The following LYST variants were observed in gnomAD, a reference collection of about 807,000 sequenced individuals.
LYST encodes lysosomal trafficking regulator.
In LYST, 192 loss-of-function variants were observed where a neutral mutation model predicts 413.6. That is an observed-to-expected ratio of 0.46 (90% CI 0.41 to 0.52). The LOEUF is 0.52. LYST is among the 20% of genes least tolerant of loss of function. LYST has a pLI of 0.00. For missense variants in LYST, 3,815 were observed against 4,499.9 expected, an observed-to-expected ratio of 0.85 and a Z score of 4.35; for synonymous variants, 1,525 against 1,567.3, an observed-to-expected ratio of 0.97 and a Z score of 0.64.
intron 15 of LYST, 58 bp from the exon 16 acceptor site, chr1:235,781,113 A>G (rs1392364887): frequency 3.9e-6 from 4 of 1,018,242 alleles, no homozygotes; most frequent in Non-Finnish European, 4.6e-6. Flanking sequence ...AATTTTTCAT[A>G]AAAAGCAAGA....
In LYST at chr1:235,662,883, G is replaced by T; in HGVS notation, c.*57C>A. On this transcript the variant is annotated 3_prime_UTR_variant, in exon 53 of 53. Transcript: ENST00000389793. ...GGTTCAACCTCCTAAAACTGGTGAA[G>T]TCAACAAATCTAGTTTGGAGTTAAA... The T allele has an allele frequency of 1.0e-6, 1 of 973,290 alleles. No homozygotes were observed. Among genetic ancestry groups the T allele is most frequent in the Non-Finnish European group, 1.7e-6 (1 of 594,534 alleles). 60.3% of individuals were successfully genotyped at this position (973,290 alleles called of 1,614,324 possible). A position where few individuals can be genotyped will look rare whatever the true frequency, so the allele number is the denominator to read the frequency against.
In LYST at chr1:235,720,776, AG is replaced by A; in HGVS notation, c.9444del (p.Leu3149Ter). 1 of 1,614,184 alleles carries A rather than the reference AG, an allele frequency of 6.2e-7. No homozygotes were observed. Among genetic ancestry groups the A allele is most frequent in the Non-Finnish European group, 8.5e-7 (1 of 1,180,020 alleles). ...AAGGATCGGCCAGCATGTTTGTTTA[AG>A]TGAGTCAAATATTCAAAATTAGTAA... ...GQITNFEYLT[H>X]LNKHAGRSFN... On this transcript the variant is annotated frameshift_variant, in exon 40 of 53. Coordinates refer to ENST00000389793, the MANE Select transcript of LYST (RefSeq NM_000081.4). LOFTEE classifies it high-confidence loss of function.
chr1:235,749,383 A>C (rs958260672), intron 28 of LYST, among the ~76,000 whole-genome samples: 3 of 152,202 alleles, frequency 2.0e-5, no homozygotes, highest in Non-Finnish European at 4.4e-5. Flanking sequence ...ACAAAGACAG[A>C]ATTTCAATAA....
intron 31 of LYST, chr1:235,738,626 C>T (rs1665042526): frequency 6.2e-7 from 1 of 1,608,228 alleles, no homozygotes; most frequent in Non-Finnish European, 8.5e-7. Context: ...TTACTGGTGT[C>T]TCCCTCAAGA....
chr1:235,738,208 T>C, intron 31 of LYST: 1 of 1,610,206 alleles, frequency 6.2e-7, no homozygotes, highest in Non-Finnish European at 8.5e-7. Context: ...CATGGCAGCC[T>C]TTTCCTTAGA....
intron 38 of LYST, among the ~76,000 whole-genome samples, chr1:235,724,757 T>C (rs981919329): frequency 6.6e-6 from 1 of 152,252 alleles, no homozygotes; most frequent in African/African-American, 2.4e-5. Flanking sequence ...AAATGTCATA[T>C]AGTTCGAATT....
At chr1:235,663,892 CATTTCTTT>C in intron 52 of LYST, 84 bp downstream of exon 52, 1 of 1,119,338 alleles carries the variant, frequency 8.9e-7, no homozygotes. Flanking sequence ...TTCAATTGCA[CATTTCTTT>C]AAGTCTGTGT....
intron 1 of LYST, among the ~76,000 whole-genome samples, chr1:235,846,002 A>G (rs1196374771): frequency 6.6e-6 from 1 of 152,056 alleles, no homozygotes; most frequent in African/African-American, 2.4e-5. Flanking sequence ...TGCTTTCTGG[A>G]AAGCGCCACC....
chr1:235,729,509 G>T, intron 37 of LYST, 87 bp downstream of exon 37: 1 of 881,770 alleles, frequency 1.1e-6, no homozygotes, highest in Non-Finnish European at 1.9e-6. Context: ...CCAATTTAAT[G>T]GCATGCTGTC....
intron 3 of LYST, among the ~76,000 whole-genome samples, chr1:235,825,061 C>T (rs1041930111): frequency 2.6e-5 from 4 of 151,864 alleles, no homozygotes; most frequent in Non-Finnish European, 4.4e-5. Flanking sequence ...ACAACAAAAA[C>T]GATCAAGATA....
At chr1:235,690,292 T>C (rs1303709328) in intron 47 of LYST, among the ~76,000 whole-genome samples, 1 of 152,324 alleles carries the variant, frequency 6.6e-6, no homozygotes, top group East Asian at 1.9e-4. Context: ...CATATTTGTC[T>C]GTTTTTCCCA....
chr1:235,794,917 C>T (rs1671398138), intron 10 of LYST, among the ~76,000 whole-genome samples: 1 of 151,832 alleles, frequency 6.6e-6, no homozygotes, highest in Admixed American at 6.6e-5. Context: ...CTTCTGTGTA[C>T]TACTGAAAAC....
In LYST at chr1:235,757,400, C is replaced by A. The variant is rs1399711987; in HGVS notation, c.6940G>T (p.Val2314Phe). The A allele has an allele frequency of 1.2e-6, 2 of 1,613,488 alleles. No homozygotes were observed. Among genetic ancestry groups the A allele is most frequent in the East Asian group, 2.2e-5 (1 of 44,818 alleles). Residue 2314 changes from valine (V) to phenylalanine (F), a missense_variant, in exon 24 of 53, where the codon GTT (valine) becomes TTT (phenylalanine). Around this residue, in one of 4 missense-constraint regions of LYST, gnomAD observed 771 missense variants for 837.1 expected, o/e 0.92. Coordinates refer to ENST00000389793, the MANE Select transcript of LYST (RefSeq NM_000081.4). ...CCGLYELLSG[V>F]LLILPDVLLE... ...AAAACATCAGGCAGGATAAGAAGAA[C>A]CCCACTTAGGAGTTCATATAATCCA...
intron 50 of LYST, among the ~76,000 whole-genome samples, chr1:235,670,200 G>A (rs56110928): frequency 0.29 from 43,790 of 152,018 alleles, 7,279 homozygotes; most frequent in Non-Finnish European, 0.38. Context: ...TTTACCATAT[G>A]TAGAAAAGTT....
intron 39 of LYST, among the ~76,000 whole-genome samples, chr1:235,722,138 T>C (rs1558151673): frequency 6.6e-6 from 1 of 152,150 alleles, no homozygotes; most frequent in East Asian, 1.9e-4. Flanking sequence ...GAGGCACTGG[T>C]GTGCCTGACA....
At chr1:235,813,471 CAG>C (rs1301863260) in intron 3 of LYST, among the ~76,000 whole-genome samples, 1 of 152,014 alleles carries the variant, frequency 6.6e-6, no homozygotes, top group Non-Finnish European at 1.5e-5. Context: ...ATGAAAAACT[CAG>C]AGACGATTTT....
chr1:235,670,042 C>T (rs1202885135), intron 50 of LYST, among the ~76,000 whole-genome samples: 2 of 152,190 alleles, frequency 1.3e-5, no homozygotes, highest in Non-Finnish European at 2.9e-5. Context: ...CTCCCTTGGT[C>T]TTTCTTGCTC....
Position 235,712,144 on chromosome 1 carries a change from G to T in LYST, c.9838C>A (p.Arg3280=). The part of the protein sequence containing the change: ...RTFHSTNTTW[R]LSSFESMTDV... The stretch of plus-strand genomic sequence containing the variant: ...GTCATAGATTCAAAAGATGAGAGTC[G>T]CCAAGTTGTATTTGTAGAATGAAAA... Residue 3280 remains arginine, a synonymous_variant, in exon 43 of 53, where the codon CGA becomes AGA. Coordinates refer to ENST00000389793, the MANE Select transcript of LYST (RefSeq NM_000081.4). 6.3e-7 allele frequency: 1 copy of T among 1,579,478 alleles called. No homozygotes were observed. The highest frequency in any genetic ancestry group is 8.6e-7 in the Non-Finnish European group (1 of 1,158,064).
At chr1:235,813,815 A>T (rs1199753039) in intron 3 of LYST, among the ~76,000 whole-genome samples, 1 of 152,208 alleles carries the variant, frequency 6.6e-6, no homozygotes, top group Non-Finnish European at 1.5e-5. Context: ...GACCTGGGAC[A>T]CCTGGGACAT....
Sources: allele counts gnomAD v4.1 joint callset (sites outside exome capture counted in the v4.1 genomes callset), GRCh38; gene constraint gnomAD v4.1.1; regional missense constraint gnomAD v4.1.1; transcripts MANE v1.5; gene names NCBI Gene and HGNC (gene_info 2026-07-23, HGNC 2026-07-21).